Variants in CFAP61 observed in about 807,000 individuals in gnomAD.
CFAP61 encodes the protein cilia and flagella associated protein 61.
CFAP61 carries 107 observed loss-of-function variants against 135.6 expected under a neutral mutation model. The ratio of observed to expected loss-of-function variants is 0.79; its 90% confidence interval spans 0.67 to 0.93. The LOEUF (loss-of-function observed/expected upper bound fraction) is 0.93. CFAP61 is among the 40% of genes least tolerant of loss of function. CFAP61 has a pLI of 0.00. For missense variants in CFAP61, 1,507 were observed against 1,556.2 expected, an observed-to-expected ratio of 0.97 and a Z score of 0.53; for synonymous variants, 575 against 578.5, an observed-to-expected ratio of 0.99 and a Z score of 0.09.
chr20:20,141,219 C>G (rs2051376116), intron 8 of CFAP61, among the ~76,000 whole-genome samples: 1 of 152,140 alleles, frequency 6.6e-6, no homozygotes, highest in African/African-American at 2.4e-5. Context: ...CTGTGACAAG[C>G]CAGTTTTATA....
chr20:20,064,032 A>ACCCACCCACCCC (rs373522191), intron 2 of CFAP61, among the ~76,000 whole-genome samples: 1 of 113,222 alleles, frequency 8.8e-6, no homozygotes, highest in Non-Finnish European at 2.0e-5. Context: ...AAATAGAGTA[A>ACCCACCCACCCC]CCGCCCCCCA....
intron 13 of CFAP61, among the ~76,000 whole-genome samples, chr20:20,181,276 T>TACACACACACACACAC (rs74180984): frequency 0.011 from 1,541 of 144,546 alleles, 16 homozygotes; most frequent in African/African-American, 0.017. Flanking sequence ...TGTGTATGTA[T>TACACACACACACACAC]ACACACACAC....
intron 13 of CFAP61, chr20:20,171,709 T>C (rs2054236798): frequency 1.6e-6 from 1 of 623,988 alleles, no homozygotes; most frequent in African/African-American, 1.9e-5. Context: ...CTGTAACACA[T>C]TTTTAAAAAC....
chr20:20,236,970 T>C (rs961393112), intron 18 of CFAP61, among the ~76,000 whole-genome samples: 3 of 152,248 alleles, frequency 2.0e-5, no homozygotes, highest in African/African-American at 7.2e-5. Context: ...TAGACATAGA[T>C]AAAAACATCA....
intron 24 of CFAP61, among the ~76,000 whole-genome samples, chr20:20,294,214 C>T (rs2055221170): frequency 6.6e-6 from 1 of 152,220 alleles, no homozygotes; most frequent in South Asian, 2.1e-4. Flanking sequence ...TGCCCTACGG[C>T]ATCACTTAGT....
At chr20:20,274,514 A>T (rs1447368282) in intron 21 of CFAP61, among the ~76,000 whole-genome samples, 3 of 152,084 alleles carry the variant, frequency 2.0e-5, no homozygotes, top group African/African-American at 4.8e-5. Context: ...TACAAAAATT[A>T]GCCTGGCATA....
chr20:20,099,759 T>C (rs1600642383), intron 8 of CFAP61, among the ~76,000 whole-genome samples: 2 of 152,230 alleles, frequency 1.3e-5, no homozygotes, highest in African/African-American at 4.8e-5. Flanking sequence ...TTCTCCTGTC[T>C]GAAAGATTAC....
chr20:20,275,868 G>C lies in CFAP61; in HGVS notation c.2504-1298G>C, dbSNP rs565642738. Among the ~76,000 whole-genome samples, 5 of 152,308 alleles carry C rather than the reference G, an allele frequency of 3.3e-5. No individual in the cohort carries two copies. In the East Asian group the frequency reaches 9.6e-4, roughly 29 times the overall value. On this transcript the variant is annotated intron_variant, in intron 21 of 26. Transcript: ENST00000245957. ...GGAGCCTCAATAATTTAAGCAAAAT[G>C]TTGCCTCTTTCAGCCAAGGAAAATG...
chr20:20,307,497 T>A (rs895240012), intron 25 of CFAP61, among the ~76,000 whole-genome samples: 2 of 152,214 alleles, frequency 1.3e-5, no homozygotes, highest in East Asian at 3.9e-4. Flanking sequence ...TACACATCAA[T>A]ATTATCCTTT....
intron 18 of CFAP61, among the ~76,000 whole-genome samples, chr20:20,233,265 A>G (rs1174419118): frequency 6.6e-6 from 1 of 152,180 alleles, no homozygotes; most frequent in African/African-American, 2.4e-5. Flanking sequence ...GTCACTAATT[A>G]GGTGACTAAT....
chr20:20,195,997 C>G (rs1030857952), intron 15 of CFAP61, among the ~76,000 whole-genome samples: 1 of 152,206 alleles, frequency 6.6e-6, no homozygotes, highest in Admixed American at 6.5e-5. Context: ...GGGAGGATCT[C>G]TTGAACCCAG....
chr20:20,182,926 G>A (rs2055212042), intron 13 of CFAP61, among the ~76,000 whole-genome samples: 2 of 152,150 alleles, frequency 1.3e-5, no homozygotes, highest in Non-Finnish European at 2.9e-5. Context: ...AACACACTAA[G>A]TAAAGAATCC....
intron 24 of CFAP61, among the ~76,000 whole-genome samples, chr20:20,290,727 C>T (rs539120833): frequency 1.3e-5 from 2 of 152,340 alleles, no homozygotes; most frequent in Non-Finnish European, 1.5e-5. Flanking sequence ...GCTGTAGGGA[C>T]GCCTTTAGAG....
At chr20:20,052,746 T>G in intron 1 of CFAP61, 155 bp downstream of exon 1, 1 of 1,573,776 alleles carries the variant, frequency 6.4e-7, no homozygotes, top group Non-Finnish European at 8.7e-7. Flanking sequence ...AGAACGGAGC[T>G]CCAATCTGGA....
chr20:20,161,522 G>A (rs1027954744), intron 10 of CFAP61, among the ~76,000 whole-genome samples: 1 of 152,210 alleles, frequency 6.6e-6, no homozygotes, highest in Non-Finnish European at 1.5e-5. Context: ...TGAGGAAGGT[G>A]AAACTCAGGC....
At chr20:20,341,441 A>G (rs1256342835) in intron 25 of CFAP61, among the ~76,000 whole-genome samples, 1 of 152,242 alleles carries the variant, frequency 6.6e-6, no homozygotes, top group East Asian at 1.9e-4. Context: ...CTTAATGATG[A>G]ACAACATTTG....
In CFAP61 at chr20:20,169,461, G is replaced by A. The variant is rs1312256635; in HGVS notation, c.1385+1G>A. 1 of 1,608,450 alleles carries A rather than the reference G, an allele frequency of 6.2e-7. No individual in the cohort carries two copies. The highest frequency in any genetic ancestry group is 1.3e-5 in the African/African-American group (1 of 74,854). On this transcript the variant is annotated splice_donor_variant, in intron 13 of 26. Coordinates refer to ENST00000245957, the MANE Select transcript of CFAP61 (RefSeq NM_015585.4). LOFTEE classifies it high-confidence loss of function. ...TCTTCCACCGGGCTGGATTGCTCAA[G>A]TGAGTAGACACATGTTTGGCCACAC...
chr20:20,059,055 A>T (rs2044587876), intron 2 of CFAP61, among the ~76,000 whole-genome samples: 1 of 152,130 alleles, frequency 6.6e-6, no homozygotes, highest in Non-Finnish European at 1.5e-5. Context: ...AGAAGGCCGG[A>T]CACAGTGGCT....
intron 26 of CFAP61, among the ~76,000 whole-genome samples, chr20:20,354,700 T>A (rs1319119075): frequency 6.7e-6 from 1 of 149,198 alleles, no homozygotes; most frequent in East Asian, 2.0e-4. Context: ...AGAGAAAAAG[T>A]GATCACACTG....
Sources: allele counts gnomAD v4.1 joint callset (sites outside exome capture counted in the v4.1 genomes callset), GRCh38; gene constraint gnomAD v4.1.1; transcripts MANE v1.5; gene names NCBI Gene and HGNC (gene_info 2026-07-23, HGNC 2026-07-21).